Variants in PKP4 observed in about 807,000 individuals in gnomAD.
PKP4 encodes the protein plakophilin-4.
In PKP4, 90 loss-of-function variants were observed where a neutral mutation model predicts 145.1. That is an observed-to-expected ratio of 0.62 (90% CI 0.52 to 0.74). PKP4 has a LOEUF of 0.74. PKP4 is among the 30% of genes least tolerant of loss of function. The pLI, the probability that PKP4 is intolerant of heterozygous loss-of-function variation, is 0.00. For synonymous variants in PKP4, 563 were observed against 577.2 expected (o/e 0.98, Z 0.35); for missense variants, 1,340 against 1,482.7 (o/e 0.90, Z 1.58).
chr2:158,609,999 T>C (rs967441573), intron 4 of PKP4, among the ~76,000 whole-genome samples: 1 of 152,218 alleles, frequency 6.6e-6, no homozygotes, highest in African/African-American at 2.4e-5. Context: ...TTTAAACTTC[T>C]TCCCTAGAAG....
chr2:158,549,356 A>G (rs1309614651), intron 2 of PKP4: 1 of 152,236 alleles, frequency 6.6e-6, no homozygotes, highest in Non-Finnish European at 1.5e-5. Context: ...TCTAAAAAAT[A>G]GGCTTGAGTC....
At chr2:158,617,216 G>A (rs1048462485) in intron 4 of PKP4, among the ~76,000 whole-genome samples, 2 of 152,112 alleles carry the variant, frequency 1.3e-5, no homozygotes, top group African/African-American at 2.4e-5. Context: ...CTACCTTGAA[G>A]CTTGTTCAAT....
intron 1 of PKP4, chr2:158,457,845 C>G (rs1386954546): frequency 6.5e-6 from 1 of 153,776 alleles, no homozygotes; most frequent in Admixed American, 6.5e-5. Flanking sequence ...GATCCTCACG[C>G]TCCACCCCTC....
At chr2:158,595,164 C>A (rs1472925567) in intron 3 of PKP4, among the ~76,000 whole-genome samples, 1 of 152,120 alleles carries the variant, frequency 6.6e-6, no homozygotes, top group Non-Finnish European at 1.5e-5. Flanking sequence ...CAGATAAAGG[C>A]CCTGTTTCCC....
chr2:158,576,109 T>C (rs2047826117), intron 2 of PKP4, among the ~76,000 whole-genome samples: 1 of 152,046 alleles, frequency 6.6e-6, no homozygotes, highest in South Asian at 2.1e-4. Context: ...TGGTAAGGAG[T>C]TTAGGGACTG....
Position 158,624,869 on chromosome 2 carries a change from T to C in PKP4, c.604-9T>C. On this transcript the variant is annotated splice_polypyrimidine_tract_variant and intron_variant, in intron 6 of 21. Transcript: ENST00000389759. The stretch of plus-strand genomic sequence containing the variant: ...AAACCCATTCTCTTTTTTCCCCCCC[T>C]TTCATCAGCCATCAGTAGCCAATCG... 6.4e-7 allele frequency: 1 copy of C among 1,556,844 alleles called. No homozygotes were observed.
chr2:158,480,795 C>G (rs556249672), intron 1 of PKP4, among the ~76,000 whole-genome samples: 1 of 152,230 alleles, frequency 6.6e-6, no homozygotes, highest in South Asian at 2.1e-4. Context: ...GTTGGACAAT[C>G]ACCATCCCTA....
chr2:158,555,355 A>G (rs1427032924), intron 2 of PKP4, among the ~76,000 whole-genome samples: 1 of 152,266 alleles, frequency 6.6e-6, no homozygotes, highest in African/African-American at 2.4e-5. Context: ...TATTAAAGAA[A>G]TGTTAGCTCA....
Position 158,648,976 on chromosome 2 carries a change from C to G in PKP4, c.1909+6277C>G, listed in dbSNP as rs113112339. The stretch of plus-strand genomic sequence containing the variant: ...TCGCGCCACTGCACTCCAGCCTGGG[C>G]GACAGAGACTCTGTCTCAAAAAAAT... On this transcript the variant is annotated intron_variant, in intron 11 of 21. Coordinates refer to ENST00000389759, the MANE Select transcript of PKP4 (RefSeq NM_003628.6). Among the ~76,000 whole-genome samples the G allele has an allele frequency of 9.6e-3, 1,466 of 152,234 alleles. 27 individuals carry two copies. Among genetic ancestry groups the G allele is most frequent in the African/African-American group, 0.033 (1,354 of 41,540 alleles).
intron 16 of PKP4, 51 bp from the exon 17 acceptor site, chr2:158,669,669 C>T (rs752456686): frequency 7.3e-7 from 1 of 1,371,980 alleles, no homozygotes; most frequent in Non-Finnish European, 9.6e-7. Flanking sequence ...ACAACAATAA[C>T]AAAAACCTAG....
At chr2:158,558,211 G>T (rs2046250176) in intron 2 of PKP4, among the ~76,000 whole-genome samples, 1 of 152,090 alleles carries the variant, frequency 6.6e-6, no homozygotes. Flanking sequence ...CAATCAATTT[G>T]ATTTAAAGGC....
chr2:158,554,447 A>C, intron 2 of PKP4, among the ~76,000 whole-genome samples: 1 of 121,444 alleles, frequency 8.2e-6, no homozygotes. Context: ...TTTTTTTGAG[A>C]CGGAGTCTAG....
rs751092992 is a variant in PKP4, at chr2:158,621,346, G to A, written c.528G>A (p.Gln176=). The A allele has an allele frequency of 3.7e-6, 6 of 1,614,140 alleles. No individual in the cohort carries two copies. The highest frequency in any genetic ancestry group is 1.6e-4 in the Middle Eastern group (1 of 6,062). ...SQNVSKADNR[Q]QHSFIGSTNN... ...ACGTGAGCAAGGCAGACAACAGACAGCAGCATTCATTCATAGGATCAACTA... is the reference window on the plus strand; with the variant it reads ...ACGTGAGCAAGGCAGACAACAGACAACAGCATTCATTCATAGGATCAACTA... Residue 176 remains glutamine, a synonymous_variant, in exon 6 of 22, where the codon CAG becomes CAA. Transcript: ENST00000389759.
At chr2:158,635,511 G>T (rs1446341040) in intron 9 of PKP4, among the ~76,000 whole-genome samples, 3 of 152,134 alleles carry the variant, frequency 2.0e-5, no homozygotes, top group African/African-American at 7.2e-5. Context: ...GTTTTGAATT[G>T]TAGGTAATTT....
Position 158,634,136 on chromosome 2 carries a change from A to C in PKP4, c.1409A>C (p.Tyr470Ser). ...RSTLTYQRNN[Y>S]ALNTTATYAE... ...ACCCTTACATACCAAAGAAATAATT[A>C]TGCTCTGAACACAACAGCTACCTAC... The change falls in exon 9 of 22, where the codon TAT becomes TCT. Residue 470 changes from tyrosine to serine, a missense_variant. Transcript: ENST00000389759. 6.2e-7 allele frequency: 1 copy of C among 1,614,096 alleles called. No individual in the cohort carries two copies. Among genetic ancestry groups the C allele is most frequent in the Non-Finnish European group, 8.5e-7 (1 of 1,179,940 alleles).
intron 11 of PKP4, among the ~76,000 whole-genome samples, chr2:158,652,135 A>G (rs2105954334): frequency 6.6e-6 from 1 of 152,368 alleles, no homozygotes; most frequent in East Asian, 1.9e-4. Context: ...TAATAGTTTC[A>G]AAGTATTTCA....
chr2:158,661,406 T>C lies in PKP4; in HGVS notation c.2167T>C (p.Tyr723His), dbSNP rs1486060535. The stretch of plus-strand genomic sequence containing the variant: ...CGAGGGGCTGGTAGACTCACTGTTG[T>C]ATGTGATCCACACGTGTGTGAACAC... ...SCEGLVDSLL[Y>H]VIHTCVNTSD... The change falls in exon 13 of 22, where the codon TAT becomes CAT. Residue 723 changes from tyrosine (Y) to histidine (H), a missense_variant. Physicochemically the swap from Tyr to His is moderately conservative, Grantham distance 83 (BLOSUM62 2). Transcript: ENST00000389759. 2 of 1,613,792 alleles carry C rather than the reference T, an allele frequency of 1.2e-6. No individual in the cohort carries two copies. Among genetic ancestry groups the C allele is most frequent in the Non-Finnish European group, 1.7e-6 (2 of 1,179,728 alleles).
intron 1 of PKP4, among the ~76,000 whole-genome samples, chr2:158,492,340 G>A (rs966489218): frequency 2.6e-5 from 4 of 152,156 alleles, no homozygotes; most frequent in African/African-American, 7.2e-5. Flanking sequence ...AGCAAGTTAT[G>A]CGAAGTTAAT....
At chr2:158,561,693 T>G (rs1210047677) in intron 2 of PKP4, among the ~76,000 whole-genome samples, 1 of 152,220 alleles carries the variant, frequency 6.6e-6, no homozygotes, top group East Asian at 1.9e-4. Context: ...TCGCACTTTG[T>G]TATGATTGTG....
Sources: gnomAD v4.1 joint callset for allele counts (sites outside exome capture counted in the v4.1 genomes callset) on GRCh38, gnomAD v4.1.1 for gene constraint, MANE v1.5 for transcripts, NCBI Gene and HGNC (gene_info 2026-07-23, HGNC 2026-07-21) for gene names.